Variants in GZMA observed in about 807,000 individuals in gnomAD.
The protein encoded by GZMA is CTL tryptase.
A neutral mutation model predicts 21.1 loss-of-function variants in GZMA; 17 were observed. That is an observed-to-expected ratio of 0.81 (90% CI 0.55 to 1.21). The LOEUF (loss-of-function observed/expected upper bound fraction) is 1.21, where lower values mean the gene tolerates loss of function less well. Among genes scored for constraint, GZMA ranks in the 50% most tolerant of loss-of-function variants. The probability of loss-of-function intolerance (pLI) is 0.00; values close to 1 mark genes in which losing one functional copy is unlikely to be tolerated. For missense variants in GZMA, 306 were observed against 315.9 expected (o/e 0.97, Z 0.24); for synonymous variants, 90 against 107.8 (o/e 0.83, Z 1.03).
intron 1 of GZMA, among the ~76,000 whole-genome samples, chr5:55,103,799 A>T (rs567778497): frequency 6.6e-6 from 1 of 152,262 alleles, no homozygotes; most frequent in South Asian, 2.1e-4. Flanking sequence ...CAAGGTCAAG[A>T]GATGGAGACC....
In GZMA at chr5:55,107,838, G is replaced by A; in HGVS notation, c.260G>A (p.Arg87Lys). 6.2e-7 allele frequency: 1 copy of A among 1,612,374 alleles called. No individual in the cohort carries two copies. Among genetic ancestry groups the A allele is most frequent in the Non-Finnish European group, 8.5e-7 (1 of 1,178,478 alleles). Residue 87 changes from arginine to lysine, a missense_variant, in exon 3 of 5, where the codon AGG becomes AAG. Physicochemically the swap from Arg to Lys is conservative, Grantham distance 26. Coordinates refer to ENST00000274306, the MANE Select transcript of GZMA (RefSeq NM_006144.4). The part of the protein sequence containing the change: ...QVILGAHSIT[R>K]EEPTKQIMLV... The stretch of plus-strand genomic sequence containing the variant: ...ATTCTTGGGGCTCACTCAATAACCA[G>A]GGAAGAGCCAACAAAACAGATAATG...
intron 2 of GZMA, among the ~76,000 whole-genome samples, chr5:55,106,299 AAT>A (rs748864291): frequency 0.014 from 18 of 1,314 alleles, 8 homozygotes; most frequent in East Asian, 0.5. Flanking sequence ...AATAAAATAA[AAT>A]ATAAAATAAA....
Position 55,108,901 on chromosome 5 carries a change from C to T in GZMA, c.627+507C>T, listed in dbSNP as rs569700383. Among the ~76,000 whole-genome samples the T allele has an allele frequency of 2.0e-5, 3 of 152,254 alleles. No homozygotes were observed. In the East Asian group the frequency reaches 5.8e-4, roughly 29 times the overall value. On this transcript the variant is annotated intron_variant, in intron 4 of 4. Transcript: ENST00000274306. The stretch of plus-strand genomic sequence containing the variant: ...GCTTCCTAGAGCTTAGTTTAATCTG[C>T]AGCAAACTTCAAAGCATGACTCATA...
intron 2 of GZMA, 97 bp downstream of exon 2, chr5:55,105,715 G>C: frequency 1.9e-6 from 2 of 1,079,924 alleles, no homozygotes; most frequent in African/African-American, 3.1e-5. Context: ...GCTTACACCT[G>C]TAATCCCAGC....
chr5:55,106,636 C>A (rs1387186701), intron 2 of GZMA, among the ~76,000 whole-genome samples: 1 of 152,188 alleles, frequency 6.6e-6, no homozygotes, highest in African/African-American at 2.4e-5. Context: ...GTGCAACCAT[C>A]AAGTACAGAA....
At chr5:55,102,900 G>T (rs966111194) in intron 1 of GZMA, 148 bp downstream of exon 1, 5 of 645,304 alleles carry the variant, frequency 7.7e-6, no homozygotes, top group Non-Finnish European at 8.4e-6. Context: ...AATGGCACAT[G>T]CCTGTAGTCC....
At chr5:55,107,292 A>G (rs1742431680) in intron 2 of GZMA, among the ~76,000 whole-genome samples, 1 of 152,150 alleles carries the variant, frequency 6.6e-6, no homozygotes, top group Non-Finnish European at 1.5e-5. Context: ...AGCACACTCA[A>G]TGCCAAGCAA....
Position 55,110,030 on chromosome 5 carries a change from G to C in GZMA, c.637G>C (p.Gly213Arg). The change falls in exon 5 of 5, where the codon GGA becomes CGA. Residue 213 changes from glycine to arginine, a missense_variant. Transcript: ENST00000274306. The stretch of plus-strand genomic sequence containing the variant: ...TCTTGTTTTCCTCCAGGGAGATTCT[G>C]GAAGCCCTTTGTTGTGCGAGGGTGT... Reference protein sequence around the residue: ...GGRDSCNGDSGSPLLCEGVFR... With the variant: ...GGRDSCNGDSRSPLLCEGVFR... The C allele has an allele frequency of 6.2e-7, 1 of 1,602,996 alleles. No individual in the cohort carries two copies.
At chr5:55,108,800 G>A (rs531230302) in intron 4 of GZMA, among the ~76,000 whole-genome samples, 4 of 152,002 alleles carry the variant, frequency 2.6e-5, no homozygotes, top group Admixed American at 2.0e-4. Flanking sequence ...TCCCCACTAC[G>A]TTCCTCTGCC....
intron 2 of GZMA, among the ~76,000 whole-genome samples, chr5:55,106,663 CCTT>C (rs1326832280): frequency 6.6e-6 from 1 of 152,182 alleles, no homozygotes; most frequent in Non-Finnish European, 1.5e-5. Flanking sequence ...TGTCCAATGA[CCTT>C]CTTGTATGCC....
At chr5:55,102,806 C>A in intron 1 of GZMA, 54 bp downstream of exon 1, 1 of 1,099,904 alleles carries the variant, frequency 9.1e-7, no homozygotes, top group Non-Finnish European at 1.4e-6. Context: ...ATGGAGCAGA[C>A]TTTCAATGAA....
Position 55,107,911 on chromosome 5 carries a change from C to T in GZMA, c.333C>T (p.Arg111=), listed in dbSNP as rs760401383. 5.0e-6 allele frequency: 8 copies of T among 1,613,040 alleles called. No homozygotes were observed. Among genetic ancestry groups the T allele is most frequent in the African/African-American group, 1.3e-5 (1 of 75,012 alleles). Residue 111 remains arginine, a synonymous_variant, in exon 3 of 5, where the codon CGC becomes CGT. Coordinates refer to ENST00000274306, the MANE Select transcript of GZMA (RefSeq NM_006144.4). The part of the protein sequence containing the change: ...FPYPCYDPAT[R]EGDLKLLQLM... ...ATCCATGCTATGACCCAGCCACACGCGAAGGTGACCTTAAACTTTTACAGG... is the reference window on the plus strand; with the variant it reads ...ATCCATGCTATGACCCAGCCACACGTGAAGGTGACCTTAAACTTTTACAGG...
In GZMA at chr5:55,102,652, T is replaced by C; in HGVS notation, c.-31T>C. 7.1e-7 allele frequency: 1 copy of C among 1,409,616 alleles called. No homozygotes were observed. Among genetic ancestry groups the C allele is most frequent in the Non-Finnish European group, 1.0e-6 (1 of 993,494 alleles). The allele number at this position is 1,409,616 out of a possible 1,614,324, so 87.3% of individuals were successfully genotyped here. ...GCAGTTAAGAACTGAAAACAGATTT[T>C]CAGGTTGATTGATGTGGGACAGCAG... On this transcript the variant is annotated 5_prime_UTR_variant, in exon 1 of 5. Coordinates refer to ENST00000274306, the MANE Select transcript of GZMA (RefSeq NM_006144.4).
chr5:55,104,083 G>T (rs1742346624), intron 1 of GZMA, among the ~76,000 whole-genome samples: 1 of 152,124 alleles, frequency 6.6e-6, no homozygotes, highest in Admixed American at 6.6e-5. Flanking sequence ...ACAAAGGTTG[G>T]CTATGTTATA....
chr5:55,107,427 A>G (rs935083543), intron 2 of GZMA, among the ~76,000 whole-genome samples: 2 of 152,136 alleles, frequency 1.3e-5, no homozygotes, highest in African/African-American at 4.8e-5. Context: ...CTGTCTCTGG[A>G]CTACTGAGAT....
intron 2 of GZMA, 113 bp from the exon 3 acceptor site, chr5:55,107,681 A>G: frequency 1.6e-6 from 1 of 629,850 alleles, no homozygotes. Flanking sequence ...TGAGCCACAA[A>G]GAAATCTCCC....
intron 2 of GZMA, among the ~76,000 whole-genome samples, chr5:55,106,673 T>C (rs1742423272): frequency 6.6e-6 from 1 of 152,198 alleles, no homozygotes; most frequent in Admixed American, 6.5e-5. Flanking sequence ...CCTTCTTGTA[T>C]GCCTCCGTGA....
intron 2 of GZMA, among the ~76,000 whole-genome samples, chr5:55,106,600 C>T (rs920467882): frequency 2.6e-5 from 4 of 152,226 alleles, no homozygotes; most frequent in Non-Finnish European, 4.4e-5. Flanking sequence ...AAGGGTGAAA[C>T]TTTCAGTGCC....
chr5:55,106,313 T>A (rs1360236819), intron 2 of GZMA, among the ~76,000 whole-genome samples: 1 of 132,716 alleles, frequency 7.5e-6, no homozygotes, highest in African/African-American at 3.4e-5. Flanking sequence ...TAAAATAAAA[T>A]AAAATATAAA....
Sources: allele counts gnomAD v4.1 joint callset (sites outside exome capture counted in the v4.1 genomes callset), GRCh38; gene constraint gnomAD v4.1.1; transcripts MANE v1.5; gene names NCBI Gene and HGNC (gene_info 2026-07-23, HGNC 2026-07-21).